Variants in SSU72 observed in about 807,000 individuals in gnomAD.
SSU72 encodes the protein RNA polymerase II subunit A C-terminal domain phosphatase SSU72.
SSU72 carries 12 observed loss-of-function variants against 22.7 expected under a neutral mutation model. The ratio of observed to expected loss-of-function variants is 0.53; its 90% confidence interval spans 0.34 to 0.86. SSU72 has a LOEUF of 0.86. SSU72 is among the 40% of genes least tolerant of loss of function. The probability of loss-of-function intolerance (pLI) is 0.02; values close to 1 mark genes in which losing one functional copy is unlikely to be tolerated. For synonymous variants in SSU72, 116 were observed against 98.3 expected, an observed-to-expected ratio of 1.18 and a Z score of -1.06; for missense variants, 151 against 249.8, an observed-to-expected ratio of 0.60 and a Z score of 2.67.
chr1:1,572,958 T>C (rs1248192790), intron 1 of SSU72, among the ~76,000 whole-genome samples: 3 of 150,164 alleles, frequency 2.0e-5, no homozygotes, highest in African/African-American at 7.3e-5. Context: ...TAAATGAAGA[T>C]CCAGCACAAT....
chr1:1,542,303 G>T lies in SSU72; in HGVS notation c.484-136C>A. 1.3e-6 allele frequency: 1 copy of T among 796,546 alleles called. No homozygotes were observed. Among genetic ancestry groups the T allele is most frequent in the Non-Finnish European group, 2.0e-6 (1 of 500,866 alleles). The allele number at this position is 796,546 out of a possible 1,614,324, so 49.3% of individuals were successfully genotyped here. On this transcript the variant is annotated intron_variant, in intron 4 of 4. Coordinates refer to ENST00000291386, the MANE Select transcript of SSU72 (RefSeq NM_014188.3). This position sits in a 1 kb window ranked among gnomAD's most constrained non-coding sequence, Gnocchi z 4.4. ...GCAGGCAGGCCCTCACCCCACCGCT[G>T]CTGCCTCACAAGGACGGCCGGAGGC...
At chr1:1,556,368 A>C (rs921843674) in intron 2 of SSU72, among the ~76,000 whole-genome samples, 5 of 152,018 alleles carry the variant, frequency 3.3e-5, no homozygotes, top group African/African-American at 1.2e-4. Flanking sequence ...GGTGAAACCC[A>C]TGTCTACTAA....
At chr1:1,555,064 G>A (rs574882665) in intron 2 of SSU72, among the ~76,000 whole-genome samples, 2 of 152,156 alleles carry the variant, frequency 1.3e-5, no homozygotes, top group Non-Finnish European at 2.9e-5. Flanking sequence ...CCCACGAGGG[G>A]GGCCAGCTAT....
intron 2 of SSU72, among the ~76,000 whole-genome samples, chr1:1,549,921 C>G (rs912022486): frequency 6.7e-6 from 1 of 149,168 alleles, no homozygotes. Context: ...TGCAGTGAGC[C>G]GAGATTGCGC....
chr1:1,568,870 A>T (rs1210654757), intron 1 of SSU72, among the ~76,000 whole-genome samples: 1 of 150,912 alleles, frequency 6.6e-6, no homozygotes, highest in African/African-American at 2.4e-5. Context: ...CCCTGTCTGT[A>T]AAAATAAATA....
At chr1:1,564,666 A>AGT (rs1368183291) in intron 2 of SSU72, 107 bp downstream of exon 2, 2 of 1,614,072 alleles carry the variant, frequency 1.2e-6, no homozygotes, top group South Asian at 2.2e-5. Flanking sequence ...CAGAGGAGCC[A>AGT]GTGTGTGCAC....
At chr1:1,562,748 C>G (rs1222438972) in intron 2 of SSU72, 1 of 152,350 alleles carries the variant, frequency 6.6e-6, no homozygotes, top group Non-Finnish European at 1.5e-5. Flanking sequence ...TCCTTCTCAG[C>G]CCACGACGGG....
intron 2 of SSU72, among the ~76,000 whole-genome samples, chr1:1,548,416 G>T (rs971778687): frequency 6.6e-6 from 1 of 152,158 alleles, no homozygotes; most frequent in Non-Finnish European, 1.5e-5. Context: ...TTAGCCAGGC[G>T]TCGTGGCAGG....
chr1:1,562,317 A>C (rs532561813), intron 2 of SSU72: 3 of 152,280 alleles, frequency 2.0e-5, no homozygotes, highest in Non-Finnish European at 4.4e-5. Context: ...CTAACTGAAG[A>C]GTAATTGTCA....
chr1:1,547,030 CAAAAAGAAAAGAAA>C (rs1642399150), intron 2 of SSU72, among the ~76,000 whole-genome samples: 1 of 151,890 alleles, frequency 6.6e-6, no homozygotes, highest in Non-Finnish European at 1.5e-5. Flanking sequence ...GACACCGTCT[CAAAAAGAAAAGAAA>C]AAAAAGAGCT....
intron 1 of SSU72, among the ~76,000 whole-genome samples, chr1:1,565,684 T>TGG (rs1642652200): frequency 6.8e-6 from 1 of 148,100 alleles, no homozygotes; most frequent in Non-Finnish European, 1.5e-5. Context: ...AGGCTCAGGG[T>TGG]TGCTGCAGGC....
chr1:1,560,539 C>G (rs1256308960), intron 2 of SSU72, among the ~76,000 whole-genome samples: 1 of 152,186 alleles, frequency 6.6e-6, no homozygotes, highest in Non-Finnish European at 1.5e-5. Context: ...CTCAACCCCT[C>G]AGGCTCACTT....
intron 1 of SSU72, among the ~76,000 whole-genome samples, chr1:1,570,581 C>T (rs1004572521): frequency 6.6e-6 from 1 of 151,998 alleles, no homozygotes; most frequent in African/African-American, 2.4e-5. Context: ...CCCCCCACCC[C>T]AAAATCGGAC....
At chr1:1,543,841 C>T in intron 4 of SSU72, 28 bp downstream of exon 4, 1 of 1,575,576 alleles carries the variant, frequency 6.3e-7, no homozygotes, top group Admixed American at 1.7e-5. Flanking sequence ...CAACCTCTGC[C>T]CAGCGCGGCG....
In SSU72 at chr1:1,542,159, G is replaced by A; in HGVS notation, c.492C>T (p.His164=). ...CGATCTCGTTCTCCATGTCTTCCGT[G>A]TGCTGGATCTGCAAGGACAGGACCG... The part of the protein sequence containing the change: ...LICELCQCIQ[H]TEDMENEIDE... Residue 164 remains histidine, a synonymous_variant, in exon 5 of 5, where the codon CAC becomes CAT. Transcript: ENST00000291386. This position sits in a 1 kb window ranked among gnomAD's most constrained non-coding sequence, Gnocchi z 4.4. 1 of 1,585,434 alleles carries A rather than the reference G, an allele frequency of 6.3e-7. No individual in the cohort carries two copies. The highest frequency in any genetic ancestry group is 1.8e-5 in the Admixed American group (1 of 55,260).
intron 2 of SSU72, among the ~76,000 whole-genome samples, chr1:1,553,557 T>C (rs1409653412): frequency 7.1e-6 from 1 of 140,872 alleles, no homozygotes; most frequent in Admixed American, 8.1e-5. Context: ...CAGCAGATCA[T>C]AAGGTCAGGA....
chr1:1,546,877 A>C (rs796833811), intron 2 of SSU72, among the ~76,000 whole-genome samples: 2,304 of 135,854 alleles, frequency 0.017, 79 homozygotes, highest in Admixed American at 0.052. Context: ...AAAAAAAAAA[A>C]AAAAAAAGGC....
intron 2 of SSU72, among the ~76,000 whole-genome samples, chr1:1,547,762 C>G (rs747847917): frequency 5.9e-5 from 9 of 152,190 alleles, no homozygotes; most frequent in Non-Finnish European, 1.2e-4. Flanking sequence ...GGCCTGCGTG[C>G]GAGAGCCTGC....
At chr1:1,573,807 C>T (rs1383244901) in intron 1 of SSU72, among the ~76,000 whole-genome samples, 1 of 152,146 alleles carries the variant, frequency 6.6e-6, no homozygotes, top group African/African-American at 2.4e-5. Flanking sequence ...CAAATTTTAA[C>T]TGTAAGTCAA....
Sources: allele counts gnomAD v4.1 joint callset (sites outside exome capture counted in the v4.1 genomes callset), GRCh38; gene constraint gnomAD v4.1.1; non-coding constraint Gnocchi (gnomAD v3.1); transcripts MANE v1.5; gene names NCBI Gene and HGNC (gene_info 2026-07-23, HGNC 2026-07-21).